Variants in TLL1 observed in about 807,000 individuals in gnomAD.
TLL1 encodes the protein tolloid like 1.
Under a neutral mutation model 128.2 loss-of-function variants are expected in TLL1, and 49 were observed. The ratio of observed to expected loss-of-function variants is 0.38; its 90% CI spans 0.30 to 0.48. TLL1 has a LOEUF of 0.48. TLL1 is among the 20% of genes least tolerant of loss of function. The probability of loss-of-function intolerance (pLI) is 0.96; values close to 1 mark genes in which losing one functional copy is unlikely to be tolerated. For missense variants in TLL1, 1,123 were observed against 1,242.0 expected (o/e 0.90, Z 1.44); for synonymous variants, 454 against 418.8 (o/e 1.08, Z -1.03).
At chr4:165,898,853 G>A (rs945506809) in intron 1 of TLL1, among the ~76,000 whole-genome samples, 1 of 152,230 alleles carries the variant, frequency 6.6e-6, no homozygotes, top group Admixed American at 6.5e-5. Context: ...GAATCTGTCT[G>A]GTCCTGGGCT....
In TLL1 at chr4:165,940,892, C is replaced by A. The variant is rs557631751; in HGVS notation, c.170-48489C>A. On this transcript the variant is annotated intron_variant, in intron 1 of 20. Transcript: ENST00000061240. ...GCCTTCACCATTTTGGGGGCTATTTCTTCCTAGGCTGTTCTACATTCTGCC... is the reference window on the plus strand; with the variant it reads ...GCCTTCACCATTTTGGGGGCTATTTATTCCTAGGCTGTTCTACATTCTGCC... Among the ~76,000 whole-genome samples, 10 of 152,136 alleles carry A rather than the reference C, an allele frequency of 6.6e-5. No homozygotes were observed. In the South Asian group the frequency reaches 2.1e-3, roughly 31 times the overall value.
chr4:165,976,079 T>G (rs900203959), intron 1 of TLL1, among the ~76,000 whole-genome samples: 4 of 148,014 alleles, frequency 2.7e-5, no homozygotes, highest in African/African-American at 1.0e-4. Flanking sequence ...CGAGGATTCC[T>G]GCCATCACTA....
chr4:165,957,259 G>A (rs61442705), intron 1 of TLL1, among the ~76,000 whole-genome samples: 1,878 of 152,074 alleles, frequency 0.012, 36 homozygotes, highest in African/African-American at 0.043. Context: ...GACAAAGAAG[G>A]GCATTACATA....
At chr4:165,963,832 A>G (rs1735238370) in intron 1 of TLL1, among the ~76,000 whole-genome samples, 1 of 152,168 alleles carries the variant, frequency 6.6e-6, no homozygotes, top group African/African-American at 2.4e-5. Flanking sequence ...GGACCTGATG[A>G]AGTGAAAATG....
chr4:166,080,286 G>T (rs748660799), intron 18 of TLL1, among the ~76,000 whole-genome samples: 6 of 152,064 alleles, frequency 3.9e-5, no homozygotes, highest in African/African-American at 1.4e-4. Context: ...TAGGATTAGG[G>T]CTGCATCCCT....
At chr4:165,902,636 A>T (rs578205673) in intron 1 of TLL1, among the ~76,000 whole-genome samples, 1 of 152,142 alleles carries the variant, frequency 6.6e-6, no homozygotes, top group Admixed American at 6.5e-5. Context: ...TGAGCTGTGT[A>T]CCTCAGCTGG....
rs534176317 is a variant in TLL1 at position 166,042,339 on chromosome 4, A to G, written c.1378+196A>G. Among the ~76,000 whole-genome samples the G allele has an allele frequency of 1.7e-3, 252 of 152,342 alleles. 2 individuals carry two copies. The highest frequency in any genetic ancestry group is 7.2e-3 in the South Asian group (35 of 4,830). ...AACAACCTGTTGTCTAGTATCAGTG[A>G]TGTAATAATATCTAAATGTGTTCAG... On this transcript the variant is annotated intron_variant, in intron 11 of 20. Coordinates refer to ENST00000061240, the MANE Select transcript of TLL1 (RefSeq NM_012464.5).
At chr4:165,923,515 G>A (rs560894405) in intron 1 of TLL1, among the ~76,000 whole-genome samples, 18 of 131,300 alleles carry the variant, frequency 1.4e-4, no homozygotes, top group Admixed American at 1.4e-3. Context: ...TGCAAGCTCC[G>A]CCTCCCGGGT....
intron 1 of TLL1, among the ~76,000 whole-genome samples, chr4:165,913,311 T>C (rs1732625468): frequency 6.6e-6 from 1 of 152,208 alleles, no homozygotes; most frequent in Non-Finnish European, 1.5e-5. Context: ...TTGCTGAATG[T>C]TGTCTGATTT....
At chr4:165,953,504 TTTG>T (rs1734627463) in intron 1 of TLL1, among the ~76,000 whole-genome samples, 2 of 151,820 alleles carry the variant, frequency 1.3e-5, no homozygotes, top group African/African-American at 2.4e-5. Context: ...TCCAGCTGGT[TTTG>T]TTGTTGTTGC....
In TLL1 at chr4:166,051,323, CTTCT is replaced by C. The variant is rs770392936; in HGVS notation, c.1525-3749_1525-3746del. 3.8e-3 allele frequency among the ~76,000 whole-genome samples: 515 copies of C among 135,072 alleles called. 3 individuals are homozygous for C. The highest frequency in any genetic ancestry group is 0.013 in the African/African-American group (436 of 33,542). The allele number at this position is 135,072 out of a possible 152,430, so 88.6% of individuals were successfully genotyped here. ...CTTTCCTTCCTTCCTTCCTTCCTTCCTTCTTTCCTTCCTCTTTCTTTCCTTTCTT... is the reference window on the plus strand; with the variant it reads ...CTTTCCTTCCTTCCTTCCTTCCTTCCTTCCTTCCTCTTTCTTTCCTTTCTT... On this transcript the variant is annotated intron_variant, in intron 12 of 20. Transcript: ENST00000061240.
chr4:165,977,784 C>G (rs1735956229), intron 1 of TLL1, among the ~76,000 whole-genome samples: 1 of 151,886 alleles, frequency 6.6e-6, no homozygotes, highest in Non-Finnish European at 1.5e-5. Context: ...AAAATACATC[C>G]CAAAGGAAAG....
chr4:165,928,390 G>C (rs971293904), intron 1 of TLL1, among the ~76,000 whole-genome samples: 1 of 152,130 alleles, frequency 6.6e-6, no homozygotes, highest in Non-Finnish European at 1.5e-5. Context: ...AGTAGAACAG[G>C]GTAGGAAAGC....
At chr4:165,889,410 T>C (rs1292703080) in intron 1 of TLL1, among the ~76,000 whole-genome samples, 1 of 152,250 alleles carries the variant, frequency 6.6e-6, no homozygotes, top group Non-Finnish European at 1.5e-5. Flanking sequence ...AGAAGTTTTT[T>C]GAATTATTTG....
At chr4:165,965,211 G>T (rs367911580) in intron 1 of TLL1, among the ~76,000 whole-genome samples, 1 of 152,084 alleles carries the variant, frequency 6.6e-6, no homozygotes, top group Admixed American at 6.6e-5. Context: ...ACTCTGAAAA[G>T]ACATAATATG....
At chr4:165,941,192 C>A (rs993966032) in intron 1 of TLL1, among the ~76,000 whole-genome samples, 2 of 152,000 alleles carry the variant, frequency 1.3e-5, no homozygotes, top group African/African-American at 4.8e-5. Flanking sequence ...ATTGCCTTTA[C>A]TTCTGAACAC....
intron 9 of TLL1, chr4:166,030,620 A>G (rs1738724977): frequency 7.4e-6 from 5 of 680,180 alleles, no homozygotes; most frequent in South Asian, 5.4e-5. Context: ...GTTTTCTTCT[A>G]TGAGTTCTAT....
intron 1 of TLL1, among the ~76,000 whole-genome samples, chr4:165,944,478 A>C (rs1734153693): frequency 6.6e-6 from 1 of 152,194 alleles, no homozygotes; most frequent in Non-Finnish European, 1.5e-5. Flanking sequence ...GGGTGGCAGG[A>C]CTATGGCATG....
At chr4:165,953,715 C>T (rs905955349) in intron 1 of TLL1, among the ~76,000 whole-genome samples, 2 of 151,750 alleles carry the variant, frequency 1.3e-5, no homozygotes, top group Non-Finnish European at 2.9e-5. Context: ...GCCATTTACA[C>T]ACCTCTTTAT....
Sources: gnomAD v4.1 joint callset for allele counts (sites outside exome capture counted in the v4.1 genomes callset) on GRCh38, gnomAD v4.1.1 for gene constraint, MANE v1.5 for transcripts, NCBI Gene and HGNC (gene_info 2026-07-23, HGNC 2026-07-21) for gene names.